GDE1: variants seen among roughly 807,000 people sequenced by gnomAD.
GDE1 encodes the protein glycerophosphodiester phosphodiesterase 1.
In GDE1, 24 loss-of-function variants were observed where a neutral mutation model predicts 32.2. The observed-to-expected ratio is 0.75, with a 90% CI of 0.54 to 1.05. The LOEUF is 1.05. Among genes scored for constraint, GDE1 ranks in the 50% least tolerant of loss-of-function variants. The pLI, the probability that GDE1 is intolerant of heterozygous loss-of-function variation, is 0.00. For missense variants in GDE1, 380 were observed against 415.0 expected, an observed-to-expected ratio of 0.92 and a Z score of 0.73; for synonymous variants, 159 against 158.6, an observed-to-expected ratio of 1.00 and a Z score of -0.02.
intron 5 of GDE1, chr16:19,504,378 C>G (rs1969217764): frequency 6.4e-6 from 1 of 157,348 alleles, no homozygotes; most frequent in Non-Finnish European, 1.4e-5. Context: ...TCATGTATGT[C>G]TGAAATAATA....
Position 19,516,117 on chromosome 16 carries a change from G to C in GDE1, c.437+897C>G, listed in dbSNP as rs58882380. Among the ~76,000 whole-genome samples, 821 of 152,238 alleles carry C rather than the reference G, an allele frequency of 5.4e-3. 8 individuals carry two copies. Among genetic ancestry groups the C allele is most frequent in the African/African-American group, 0.018 (758 of 41,546 alleles). ...TTGATCTTACTTGAACCCTGTTTTT[G>C]CAGAACATCTTGTAAGATTAGCTCT... On this transcript the variant is annotated intron_variant, in intron 2 of 5. Transcript: ENST00000353258.
chr16:19,518,656 T>C (rs1011335406), intron 1 of GDE1, among the ~76,000 whole-genome samples: 1 of 152,226 alleles, frequency 6.6e-6, no homozygotes, highest in Non-Finnish European at 1.5e-5. Context: ...TGTCACTCCC[T>C]TACCGGTTTT....
chr16:19,514,472 C>T lies in GDE1; in HGVS notation c.437+2542G>A, dbSNP rs759824111. Among the ~76,000 whole-genome samples the T allele has an allele frequency of 1.1e-3, 166 of 152,150 alleles. 3 individuals are homozygous for T. Among genetic ancestry groups the T allele is most frequent in the Non-Finnish European group, 3.2e-4 (22 of 68,036 alleles). On this transcript the variant is annotated intron_variant, in intron 2 of 5. Coordinates refer to ENST00000353258, the MANE Select transcript of GDE1 (RefSeq NM_016641.4). The stretch of plus-strand genomic sequence containing the variant: ...ATTAATAACCCTACTTCCCAAAGGG[C>T]AGAGTATATGCCACCTTTGGAAAAC...
chr16:19,515,670 C>T (rs1164173426), intron 2 of GDE1, among the ~76,000 whole-genome samples: 1 of 152,164 alleles, frequency 6.6e-6, no homozygotes, highest in Non-Finnish European at 1.5e-5. Flanking sequence ...TCATAATTCT[C>T]AAGTGTTACC....
At chr16:19,506,698 C>T (rs1038734496) in intron 4 of GDE1, among the ~76,000 whole-genome samples, 6 of 152,054 alleles carry the variant, frequency 3.9e-5, no homozygotes, top group African/African-American at 1.2e-4. Flanking sequence ...GGGTCCTATT[C>T]GAATGAGCAA....
Position 19,521,999 on chromosome 16 carries a change from G to A in GDE1, c.-35C>T. ...CGCACCGGCACGGACGGGAGTCCCGGACCCGCCGGGCTCCTGGGGCAGTAG... is the reference window on the plus strand; with the variant it reads ...CGCACCGGCACGGACGGGAGTCCCGAACCCGCCGGGCTCCTGGGGCAGTAG... On this transcript the variant is annotated 5_prime_UTR_variant, in exon 1 of 6. Coordinates refer to ENST00000353258, the MANE Select transcript of GDE1 (RefSeq NM_016641.4). The A allele has an allele frequency of 6.6e-7, 1 of 1,510,182 alleles. No individual in the cohort carries two copies. The highest frequency in any genetic ancestry group is 8.9e-7 in the Non-Finnish European group (1 of 1,125,682). 93.5% of individuals were successfully genotyped at this position (1,510,182 alleles called of 1,614,324 possible).
chr16:19,521,189 C>T (rs1969448873), intron 1 of GDE1: 1 of 156,864 alleles, frequency 6.4e-6, no homozygotes, highest in Admixed American at 6.1e-5. Context: ...ACCTGAACAC[C>T]CCTATATTAT....
Position 19,503,426 on chromosome 16 carries a change from G to C in GDE1, c.*44C>G, listed in dbSNP as rs930997096. 6.3e-7 allele frequency: 1 copy of C among 1,583,086 alleles called. No homozygotes were observed. The highest frequency in any genetic ancestry group is 8.7e-7 in the Non-Finnish European group (1 of 1,155,882). Reference sequence around the variant, plus strand: ...AGGGTATTTTGATATCCCTGTATGAGGCCCCTGGCAGTTTCTGAACCCGTT... The same window carrying C: ...AGGGTATTTTGATATCCCTGTATGACGCCCCTGGCAGTTTCTGAACCCGTT... On this transcript the variant is annotated 3_prime_UTR_variant, in exon 6 of 6. Coordinates refer to ENST00000353258, the MANE Select transcript of GDE1 (RefSeq NM_016641.4).
chr16:19,506,598 G>A (rs1274867893), intron 4 of GDE1, among the ~76,000 whole-genome samples: 1 of 152,044 alleles, frequency 6.6e-6, no homozygotes, highest in Non-Finnish European at 1.5e-5. Context: ...GTTGCGATGA[G>A]CCGAGATCAT....
intron 1 of GDE1, 90 bp downstream of exon 1, chr16:19,521,614 C>G: frequency 7.0e-7 from 1 of 1,422,908 alleles, no homozygotes; most frequent in Non-Finnish European, 9.5e-7. Context: ...AGTGGGAAGG[C>G]CGTCCTGAGA....
intron 1 of GDE1, among the ~76,000 whole-genome samples, chr16:19,521,036 G>GT (rs1364229199): frequency 1.3e-5 from 2 of 152,148 alleles, no homozygotes; most frequent in African/African-American, 4.8e-5. Context: ...ACAAGCAAAC[G>GT]TATGTCTTGT....
chr16:19,521,514 T>C, intron 1 of GDE1, 190 bp downstream of exon 1: 1 of 629,072 alleles, frequency 1.6e-6, no homozygotes, highest in Non-Finnish European at 2.7e-6. Context: ...ATATCTGCTG[T>C]CTTCTGTAAA....
Position 19,502,123 on chromosome 16 carries a change from T to A in GDE1, c.*1347A>T, listed in dbSNP as rs1969182525. 1 of 152,126 alleles carries A rather than the reference T, an allele frequency of 6.6e-6. No homozygotes were observed. Among genetic ancestry groups the A allele is most frequent in the Non-Finnish European group, 1.5e-5 (1 of 68,022 alleles). 9.4% of individuals were successfully genotyped at this position (152,126 alleles called of 1,614,324 possible). On this transcript the variant is annotated 3_prime_UTR_variant, in exon 6 of 6. Coordinates refer to ENST00000353258, the MANE Select transcript of GDE1 (RefSeq NM_016641.4). ...GTTTGGGGTCATGGGCTCAACAATA[T>A]AAAGGCAGATTCAGTGAGGGGTAAG...
chr16:19,514,065 G>A (rs1261069962), intron 2 of GDE1, among the ~76,000 whole-genome samples: 1 of 151,590 alleles, frequency 6.6e-6, no homozygotes, highest in Non-Finnish European at 1.5e-5. Context: ...ATTGTATAAT[G>A]GATGTTATTT....
chr16:19,517,242 G>C, intron 1 of GDE1, 53 bp from the exon 2 acceptor site: 1 of 1,426,182 alleles, frequency 7.0e-7, no homozygotes. Flanking sequence ...ACATTATTTT[G>C]CATCTAACCA....
chr16:19,521,985 G>C lies in GDE1; in HGVS notation c.-21C>G, dbSNP rs1969468017. The C allele has an allele frequency of 6.6e-7, 1 of 1,521,076 alleles. No homozygotes were observed. Among genetic ancestry groups the C allele is most frequent in the African/African-American group, 1.4e-5 (1 of 72,446 alleles). 94.2% of individuals were successfully genotyped at this position (1,521,076 alleles called of 1,614,324 possible). ...CACATGCCGGCGCCCGCACCGGCAC[G>C]GACGGGAGTCCCGGACCCGCCGGGC... is the stretch of plus-strand genomic sequence containing the variant. On this transcript the variant is annotated 5_prime_UTR_variant, in exon 1 of 6. Coordinates refer to ENST00000353258, the MANE Select transcript of GDE1 (RefSeq NM_016641.4).
chr16:19,521,581 T>C, intron 1 of GDE1, 123 bp downstream of exon 1: 1 of 1,082,052 alleles, frequency 9.2e-7, no homozygotes, highest in Non-Finnish European at 1.3e-6. Context: ...GGGCCGGGAG[T>C]GTGCCTTGTG....
intron 1 of GDE1, 41 bp downstream of exon 1, chr16:19,521,663 G>A (rs1969455105): frequency 6.3e-7 from 1 of 1,596,552 alleles, no homozygotes; most frequent in Non-Finnish European, 8.5e-7. Flanking sequence ...AGAAGTCCGA[G>A]CTCTCGGGAG....
chr16:19,508,155 T>C (rs1788995267), intron 3 of GDE1, among the ~76,000 whole-genome samples: 1 of 152,160 alleles, frequency 6.6e-6, no homozygotes, highest in Admixed American at 6.5e-5. Context: ...CTCTGTGCCT[T>C]TTCTAAATGA....
Sources: allele counts gnomAD v4.1 joint callset (sites outside exome capture counted in the v4.1 genomes callset), GRCh38; gene constraint gnomAD v4.1.1; transcripts MANE v1.5; gene names NCBI Gene and HGNC (gene_info 2026-07-23, HGNC 2026-07-21).